Variants in ATXN7L1 observed in about 807,000 individuals in gnomAD.
ATXN7L1 encodes the protein ataxin-7-like protein 1.
Under a neutral mutation model 70.8 loss-of-function variants are expected in ATXN7L1, and 15 were observed. The observed-to-expected ratio is 0.21, with a 90% confidence interval of 0.14 to 0.33. The LOEUF (loss-of-function observed/expected upper bound fraction) is 0.33. Ranked by LOEUF, ATXN7L1 falls within the 10% of genes least tolerant of loss-of-function variation. The pLI, the probability that ATXN7L1 is intolerant of heterozygous loss-of-function variation, is 1.00. For synonymous variants in ATXN7L1, 440 were observed against 445.1 expected (o/e 0.99, Z 0.14); for missense variants, 975 against 1,097.1 (o/e 0.89, Z 1.57).
intron 3 of ATXN7L1, among the ~76,000 whole-genome samples, chr7:105,774,975 C>T (rs965707974): frequency 2.6e-5 from 4 of 152,080 alleles, no homozygotes; most frequent in African/African-American, 9.7e-5. Context: ...ATCTGTAGTT[C>T]CAGCATGGTA....
intron 2 of ATXN7L1, among the ~76,000 whole-genome samples, chr7:105,803,008 G>A (rs1807043678): frequency 6.6e-6 from 1 of 152,226 alleles, no homozygotes; most frequent in Non-Finnish European, 1.5e-5. Flanking sequence ...ATGCCCACAT[G>A]AGAAAACAAA....
chr7:105,656,644 C>G (rs1800693877), intron 4 of ATXN7L1, among the ~76,000 whole-genome samples: 1 of 145,004 alleles, frequency 6.9e-6, no homozygotes, highest in Admixed American at 7.0e-5. Context: ...GATCTTGGCT[C>G]ACTGCAACCT....
At chr7:105,741,521 C>G (rs28534422) in intron 3 of ATXN7L1, among the ~76,000 whole-genome samples, 1 of 151,982 alleles carries the variant, frequency 6.6e-6, no homozygotes, top group African/African-American at 2.4e-5. Flanking sequence ...AAAATGCAGT[C>G]GAAGAATGAT....
chr7:105,833,134 A>T (rs920314058), intron 2 of ATXN7L1, among the ~76,000 whole-genome samples: 1 of 151,680 alleles, frequency 6.6e-6, no homozygotes, highest in Non-Finnish European at 1.5e-5. Flanking sequence ...TCCCCCTCTG[A>T]CCTCCCACCC....
chr7:105,740,803 C>T lies in ATXN7L1; in HGVS notation c.355+47801G>A, dbSNP rs1178409064. ...TTTTTTTAATGGAGTCTCACTCTGT[C>T]GCCCAGGCTGGAGTGCGGTGGTGCG... On this transcript the variant is annotated intron_variant, in intron 3 of 11. Transcript: ENST00000419735. Among the ~76,000 whole-genome samples, 3 of 50,872 alleles carry T rather than the reference C, an allele frequency of 5.9e-5. 1 individual carries two copies. The highest frequency in any genetic ancestry group is 2.3e-4 in the Admixed American group (1 of 4,380). The allele number at this position is 50,872 out of a possible 152,430, so 33.4% of individuals were successfully genotyped here. A position where few individuals can be genotyped will look rare whatever the true frequency, so the allele number is the denominator to read the frequency against.
intron 7 of ATXN7L1, among the ~76,000 whole-genome samples, chr7:105,630,831 C>T (rs56092852): frequency 1.1e-3 from 163 of 152,188 alleles, no homozygotes; most frequent in Middle Eastern, 3.4e-3. Context: ...ATATAGGAAA[C>T]GTGTACCTTC....
intron 3 of ATXN7L1, among the ~76,000 whole-genome samples, chr7:105,666,895 C>T (rs571012503): frequency 3.9e-5 from 6 of 152,276 alleles, no homozygotes; most frequent in East Asian, 3.9e-4. Flanking sequence ...GTATTAGGCT[C>T]GTGGCCTTCA....
chr7:105,832,713 A>C (rs1405107099), intron 2 of ATXN7L1, among the ~76,000 whole-genome samples: 2 of 152,230 alleles, frequency 1.3e-5, no homozygotes, highest in African/African-American at 4.8e-5. Context: ...CAACATGTCC[A>C]GAACGGAACT....
chr7:105,791,254 C>T (rs1345673449), intron 2 of ATXN7L1, among the ~76,000 whole-genome samples: 2 of 152,226 alleles, frequency 1.3e-5, no homozygotes, highest in Non-Finnish European at 2.9e-5. Context: ...GACCAGGACA[C>T]AGGCCCAACT....
In ATXN7L1 at chr7:105,875,842, T is replaced by G; in HGVS notation, c.220A>C (p.Ser74Arg). The G allele has an allele frequency of 6.2e-7, 1 of 1,613,020 alleles. No homozygotes were observed. The highest frequency in any genetic ancestry group is 1.3e-5 in the African/African-American group (1 of 74,878). ...TTATTAAGCCTCATAACCTCCCTGC[T>G]TTTTCCACCCTCTTTTCCAGCCTCT... ...LEEAGKEGGK[S>R]REVMRLNKED... The change falls in exon 2 of 12, where the codon AGC becomes CGC. Residue 74 changes from serine to arginine, a missense_variant. Physicochemically the swap from Ser to Arg is moderately radical, Grantham distance 110 (BLOSUM62 -1). Around this residue, in one of 5 missense-constraint regions of ATXN7L1, gnomAD observed 135 missense variants for 132.6 expected, o/e 1.02. Coordinates refer to ENST00000419735, the MANE Select transcript of ATXN7L1 (RefSeq NM_020725.2).
intron 2 of ATXN7L1, among the ~76,000 whole-genome samples, chr7:105,792,092 C>T (rs947988655): frequency 6.6e-6 from 1 of 152,170 alleles, no homozygotes; most frequent in African/African-American, 2.4e-5. Context: ...GAGCCCATCC[C>T]GTCTCCCCCA....
intron 3 of ATXN7L1, among the ~76,000 whole-genome samples, chr7:105,680,378 A>C (rs1257459429): frequency 6.6e-6 from 1 of 152,234 alleles, no homozygotes; most frequent in African/African-American, 2.4e-5. Context: ...CAGGGAGAAC[A>C]TGACTGGACT....
At chr7:105,790,185 T>C (rs933291023) in intron 2 of ATXN7L1, among the ~76,000 whole-genome samples, 29 of 152,156 alleles carry the variant, frequency 1.9e-4, no homozygotes, top group Non-Finnish European at 4.4e-5. Context: ...CTAACAGGTA[T>C]AGAGTTTCTT....
At chr7:105,824,369 GAC>G (rs1810570038) in intron 2 of ATXN7L1, among the ~76,000 whole-genome samples, 1 of 152,098 alleles carries the variant, frequency 6.6e-6, no homozygotes, top group African/African-American at 2.4e-5. Context: ...ACCTGAAAGA[GAC>G]TGAGACACAA....
intron 3 of ATXN7L1, among the ~76,000 whole-genome samples, chr7:105,729,089 C>T (rs1020458125): frequency 6.6e-6 from 1 of 151,936 alleles, no homozygotes; most frequent in Non-Finnish European, 1.5e-5. Flanking sequence ...CACAGTGAGA[C>T]CCATCTCTAC....
At chr7:105,742,676 G>T (rs1278011350) in intron 3 of ATXN7L1, among the ~76,000 whole-genome samples, 1 of 152,176 alleles carries the variant, frequency 6.6e-6, no homozygotes, top group Non-Finnish European at 1.5e-5. Flanking sequence ...CTCTGGGCAG[G>T]CACTTTCCAA....
chr7:105,865,032 C>T (rs1817199115), intron 2 of ATXN7L1, among the ~76,000 whole-genome samples: 1 of 152,200 alleles, frequency 6.6e-6, no homozygotes, highest in Admixed American at 6.5e-5. Context: ...TACAAGTTGA[C>T]AAAAGATGCC....
intron 7 of ATXN7L1, among the ~76,000 whole-genome samples, chr7:105,634,925 A>T (rs2115876493): frequency 6.6e-6 from 1 of 152,198 alleles, no homozygotes; most frequent in Middle Eastern, 3.4e-3. Context: ...ACAGGAAAAA[A>T]AAAAAAAGAG....
intron 3 of ATXN7L1, among the ~76,000 whole-genome samples, chr7:105,737,490 G>C (rs942433952): frequency 1.3e-5 from 2 of 151,904 alleles, no homozygotes; most frequent in African/African-American, 2.4e-5. Flanking sequence ...AGGTCACATA[G>C]TAGCATGCAG....
Sources: allele counts gnomAD v4.1 joint callset (sites outside exome capture counted in the v4.1 genomes callset), GRCh38; gene constraint gnomAD v4.1.1; regional missense constraint gnomAD v4.1.1; transcripts MANE v1.5; gene names NCBI Gene and HGNC (gene_info 2026-07-23, HGNC 2026-07-21).